Variants in SEPTIN11 observed in about 807,000 individuals in gnomAD.
SEPTIN11 encodes septin-11.
Under a neutral mutation model 51.4 loss-of-function variants are expected in SEPTIN11, and 25 were observed. The observed-to-expected ratio is 0.49, with a 90% confidence interval of 0.35 to 0.68. The LOEUF (loss-of-function observed/expected upper bound fraction) is 0.68. SEPTIN11 is among the 30% of genes least tolerant of loss of function. SEPTIN11 has a pLI of 0.00. For missense variants in SEPTIN11, 381 were observed against 520.8 expected (o/e 0.73, Z 2.61); for synonymous variants, 174 against 184.1 (o/e 0.95, Z 0.44).
intron 3 of SEPTIN11, among the ~76,000 whole-genome samples, chr4:77,010,210 G>A (rs887323342): frequency 1.3e-5 from 2 of 152,112 alleles, no homozygotes; most frequent in African/African-American, 2.4e-5. Context: ...GACACAGAGA[G>A]GTTTAGTGAC....
chr4:77,019,144 C>G (rs779626432), intron 5 of SEPTIN11, 21 bp from the exon 6 acceptor site: 2 of 1,605,044 alleles, frequency 1.2e-6, no homozygotes, highest in Non-Finnish European at 1.7e-6. Flanking sequence ...AGTAACTATT[C>G]TCTGTCCTTT....
Position 77,036,731 on chromosome 4 carries a change from T to C in SEPTIN11, c.*2219T>C, listed in dbSNP as rs904449647. ...CCCTGTTTAGTTTGTTATTGCTGCT[T>C]TTCTTTTTTCTTTCTGTATCTATGC... On this transcript the variant is annotated 3_prime_UTR_variant, in exon 10 of 10. Coordinates refer to ENST00000264893, the MANE Select transcript of SEPTIN11 (RefSeq NM_018243.4). 4.6e-6 allele frequency: 7 copies of C among 1,535,402 alleles called. No individual in the cohort carries two copies. Among genetic ancestry groups the C allele is most frequent in the Non-Finnish European group, 6.1e-6 (7 of 1,146,814 alleles).
chr4:76,950,247 C>G (rs969021126), intron 1 of SEPTIN11, among the ~76,000 whole-genome samples: 2 of 152,136 alleles, frequency 1.3e-5, no homozygotes, highest in Non-Finnish European at 2.9e-5. Flanking sequence ...CCTCTGCCCG[C>G]GCACCTCTTC....
intron 1 of SEPTIN11, among the ~76,000 whole-genome samples, chr4:76,956,203 A>T (rs919252834): frequency 6.6e-6 from 1 of 152,200 alleles, no homozygotes; most frequent in African/African-American, 2.4e-5. Context: ...ACTTCTGTGC[A>T]CGGGAAGCTT....
Position 77,016,651 on chromosome 4 carries a change from TATATAC to T in SEPTIN11, c.687+1636_687+1641del, listed in dbSNP as rs1331941355. On this transcript the variant is annotated intron_variant, in intron 5 of 9. Transcript: ENST00000264893. Reference sequence around the variant, plus strand: ...ATATACACATATATATATATATATATATATACACATATATATATATATATGGCCAGG... The same window carrying T: ...ATATACACATATATATATATATATATACATATATATATATATATGGCCAGG... Among the ~76,000 whole-genome samples, 3 of 121,392 alleles carry T rather than the reference TATATAC, an allele frequency of 2.5e-5. 1 individual carries two copies. Among genetic ancestry groups the T allele is most frequent in the Non-Finnish European group, 5.2e-5 (3 of 57,154 alleles). The allele number at this position is 121,392 out of a possible 152,430, so 79.6% of individuals were successfully genotyped here.
In SEPTIN11 at chr4:77,037,959, G is replaced by A; in HGVS notation, c.*3447G>A. On this transcript the variant is annotated 3_prime_UTR_variant, in exon 10 of 10. Coordinates refer to ENST00000264893, the MANE Select transcript of SEPTIN11 (RefSeq NM_018243.4). ...TCAAATGAACAGACTTGGTTTCCTT[G>A]CTTTCTTGACATTTCCATGACTGTT... is the stretch of plus-strand genomic sequence containing the variant. The A allele has an allele frequency of 4.1e-6, 4 of 985,870 alleles. No individual in the cohort carries two copies. The highest frequency in any genetic ancestry group is 4.8e-6 in the Non-Finnish European group (4 of 829,946). 61.1% of individuals were successfully genotyped at this position (985,870 alleles called of 1,614,324 possible).
chr4:77,003,378 T>A (rs1724256785), intron 2 of SEPTIN11, among the ~76,000 whole-genome samples: 1 of 152,220 alleles, frequency 6.6e-6, no homozygotes, highest in African/African-American at 2.4e-5. Flanking sequence ...GTTCCCATAA[T>A]TATAAATTAG....
At chr4:76,958,206 C>G (rs1483659659) in intron 1 of SEPTIN11, among the ~76,000 whole-genome samples, 1 of 146,872 alleles carries the variant, frequency 6.8e-6, no homozygotes, top group Non-Finnish European at 1.5e-5. Flanking sequence ...AGTCCACTTT[C>G]TGCCCCAGGC....
intron 1 of SEPTIN11, among the ~76,000 whole-genome samples, chr4:76,983,692 C>A (rs1043792026): frequency 6.6e-6 from 1 of 152,158 alleles, no homozygotes; most frequent in African/African-American, 2.4e-5. Context: ...ATTGTTTTAT[C>A]CAGGGTTGAG....
intron 1 of SEPTIN11, among the ~76,000 whole-genome samples, chr4:76,968,276 A>G (rs1219959094): frequency 6.6e-6 from 1 of 152,202 alleles, no homozygotes; most frequent in Non-Finnish European, 1.5e-5. Flanking sequence ...AGGTCACCTT[A>G]TAAAGGACCT....
chr4:77,021,380 C>T (rs968529699), intron 7 of SEPTIN11: 1 of 152,676 alleles, frequency 6.5e-6, no homozygotes, highest in African/African-American at 2.4e-5. Flanking sequence ...TGGGGTGGTT[C>T]TGGGTAAAGT....
At chr4:77,033,191 G>A (rs745611347) in intron 9 of SEPTIN11, among the ~76,000 whole-genome samples, 2 of 152,136 alleles carry the variant, frequency 1.3e-5, no homozygotes, top group Admixed American at 6.5e-5. Context: ...TACTGCCAGT[G>A]GTAGTGGAGT....
intron 1 of SEPTIN11, among the ~76,000 whole-genome samples, chr4:76,966,645 T>G (rs566126374): frequency 2.0e-5 from 3 of 151,824 alleles, no homozygotes; most frequent in African/African-American, 7.2e-5. Context: ...ATAGATCACT[T>G]GAGCCCAGGA....
chr4:77,020,408 G>C, intron 6 of SEPTIN11, 94 bp from the exon 7 acceptor site: 1 of 1,440,044 alleles, frequency 6.9e-7, no homozygotes, highest in Non-Finnish European at 9.5e-7. Context: ...GAGATTTCAG[G>C]AGTGATGGTA....
chr4:76,990,749 G>T (rs996407699), intron 1 of SEPTIN11, among the ~76,000 whole-genome samples: 2 of 152,226 alleles, frequency 1.3e-5, no homozygotes, highest in South Asian at 4.1e-4. Flanking sequence ...CACTGCTCTA[G>T]AATGTTCACA....
chr4:76,975,193 G>A (rs1481887532), intron 1 of SEPTIN11, among the ~76,000 whole-genome samples: 1 of 151,582 alleles, frequency 6.6e-6, no homozygotes, highest in Non-Finnish European at 1.5e-5. Flanking sequence ...CACAGCTTGA[G>A]TTACTCTTGG....
downstream of SEPTIN11, chr4:77,038,738 T>TTGAAGTCTAC: frequency 1.3e-6 from 1 of 785,952 alleles, no homozygotes; most frequent in Non-Finnish European, 1.6e-6. Context: ...GTGGTAGACT[T>TTGAAGTCTAC]CAAATGGCTG....
In SEPTIN11 at chr4:77,034,549, C is replaced by T. The variant is rs1477812055; in HGVS notation, c.*37C>T. ...CCAAGGATGTTCCCGCATTCACCTG[C>T]TTTTGCAGTAATATCGTATCTCTGC... On this transcript the variant is annotated 3_prime_UTR_variant, in exon 10 of 10. Coordinates refer to ENST00000264893, the MANE Select transcript of SEPTIN11 (RefSeq NM_018243.4). The T allele has an allele frequency of 6.5e-7, 1 of 1,539,200 alleles. No homozygotes were observed. The highest frequency in any genetic ancestry group is 1.4e-5 in the African/African-American group (1 of 71,096).
At chr4:77,012,865 ATCT>A (rs1478204557) in intron 4 of SEPTIN11, among the ~76,000 whole-genome samples, 2 of 152,258 alleles carry the variant, frequency 1.3e-5, no homozygotes, top group Non-Finnish European at 2.9e-5. Context: ...TTACAGAAAA[ATCT>A]TCTAATGGCC....
Sources: allele counts gnomAD v4.1 joint callset (sites outside exome capture counted in the v4.1 genomes callset), GRCh38; gene constraint gnomAD v4.1.1; transcripts MANE v1.5; gene names NCBI Gene and HGNC (gene_info 2026-07-23, HGNC 2026-07-21).